XKR9: variants seen among roughly 807,000 people sequenced by gnomAD.
XKR9 encodes the protein XK related 9, also known as XK-related protein 9.
In XKR9, 32 loss-of-function variants were observed where a neutral mutation model predicts 32.0. The ratio of observed to expected loss-of-function variants is 1.00; its 90% CI spans 0.76 to 1.34. XKR9 has a LOEUF of 1.34. Ranked by LOEUF, XKR9 falls within the 40% of genes most tolerant of loss-of-function variation. The pLI is 0.00. For missense variants in XKR9, 546 were observed against 429.7 expected (o/e 1.27, Z -2.39); for synonymous variants, 168 against 143.4 (o/e 1.17, Z -1.22).
At chr8:70,852,483 G>T in the XKR9 span, among the ~76,000 whole-genome samples, 12 of 151,720 alleles carry the variant, frequency 7.9e-5, no homozygotes, top group African/African-American at 2.9e-4. Context: ...ACTATATAAA[G>T]GATTATAAAG....
intron 2 of XKR9, among the ~76,000 whole-genome samples, chr8:70,676,193 G>A (rs779272825): frequency 2.6e-5 from 4 of 152,070 alleles, no homozygotes; most frequent in Admixed American, 1.3e-4. Flanking sequence ...AGAGTAGTGG[G>A]GGAGATGCAA....
intron 4 of XKR9, among the ~76,000 whole-genome samples, chr8:70,714,031 G>A (rs1204268778): frequency 6.6e-6 from 1 of 152,088 alleles, no homozygotes; most frequent in African/African-American, 2.4e-5. Context: ...TTTCCTTGCT[G>A]CATGCTTATG....
At chr8:70,754,040 T>G (rs1008534342) in intron 2 of XKR9, among the ~76,000 whole-genome samples, 2 of 146,630 alleles carry the variant, frequency 1.4e-5, no homozygotes, top group Non-Finnish European at 3.0e-5. Context: ...CAAAATCTCC[T>G]TAAGCTGATA....
At position 70,723,797 on chromosome 8, in the gene XKR9, G is replaced by A. The variant is rs142360571; in HGVS notation, c.494-9999G>A. The stretch of plus-strand genomic sequence containing the variant: ...CCAGTCAGGAGGCACAGGAGTCAGG[G>A]ACCCACTTGAGGAGGCAGTCTGTCC... On this transcript the variant is annotated intron_variant, in intron 4 of 4. Coordinates refer to ENST00000408926, the MANE Select transcript of XKR9 (RefSeq NM_001011720.2). Among the ~76,000 whole-genome samples the A allele has an allele frequency of 1.8e-3, 276 of 152,136 alleles. 3 individuals carry two copies. Among genetic ancestry groups the A allele is most frequent in the Admixed American group, 0.014 (221 of 15,288 alleles).
chr8:71,004,773 T>C, the XKR9 span, among the ~76,000 whole-genome samples: 1 of 152,170 alleles, frequency 6.6e-6, no homozygotes, highest in Admixed American at 6.5e-5. Flanking sequence ...GGTAAATACT[T>C]ACTGGGTGGG....
chr8:70,934,900 A>G, the XKR9 span, among the ~76,000 whole-genome samples: 2 of 151,774 alleles, frequency 1.3e-5, no homozygotes, highest in Non-Finnish European at 2.9e-5. Context: ...ATATTTACTT[A>G]GATATAGGTT....
the XKR9 span, among the ~76,000 whole-genome samples, chr8:70,934,970 A>ATTTAGGG: frequency 1.3e-5 from 2 of 151,532 alleles, no homozygotes; most frequent in South Asian, 2.1e-4. Context: ...AAAATATAAA[A>ATTTAGGG]ATCACTCTCA....
intron 1 of XKR9, among the ~76,000 whole-genome samples, chr8:70,671,669 T>C (rs1200666559): frequency 1.3e-5 from 1 of 79,066 alleles, no homozygotes; most frequent in Non-Finnish European, 3.3e-5. Flanking sequence ...GAACTCATCA[T>C]TTTTTATGGC....
intron 2 of XKR9, among the ~76,000 whole-genome samples, chr8:70,774,954 T>C (rs1807499565): frequency 6.6e-6 from 1 of 152,188 alleles, no homozygotes; most frequent in African/African-American, 2.4e-5. Context: ...GTATTGAATC[T>C]TTGGATCAAT....
the XKR9 span, among the ~76,000 whole-genome samples, chr8:70,834,069 A>C: frequency 1.3e-5 from 2 of 152,058 alleles, no homozygotes; most frequent in Non-Finnish European, 2.9e-5. Flanking sequence ...CTTTGTGTAG[A>C]TCTCCCAAAC....
the XKR9 span, among the ~76,000 whole-genome samples, chr8:70,949,100 C>T: frequency 4.6e-5 from 7 of 152,044 alleles, no homozygotes; most frequent in East Asian, 1.9e-4. Flanking sequence ...GTCTCCTTCA[C>T]ATTTAAGTAA....
chr8:70,747,141 TCTTTATTCAG>T (rs1374901606), intron 2 of XKR9, among the ~76,000 whole-genome samples: 3 of 152,212 alleles, frequency 2.0e-5, no homozygotes, highest in Non-Finnish European at 2.9e-5. Flanking sequence ...TACCACATTT[TCTTTATTCAG>T]TCCACCATTG....
At chr8:70,789,279 C>T (rs942561968) in intron 2 of XKR9, 7 of 151,746 alleles carry the variant, frequency 4.6e-5, no homozygotes, top group South Asian at 2.1e-4. Context: ...TAGGAGACCA[C>T]GAAGAATATG....
At chr8:70,951,875 G>T in the XKR9 span, among the ~76,000 whole-genome samples, 1 of 92,174 alleles carries the variant, frequency 1.1e-5, no homozygotes, top group African/African-American at 4.4e-5. Context: ...ATTGGGGGGG[G>T]GGTGGTTCTC....
chr8:71,012,361 A>G, the XKR9 span, among the ~76,000 whole-genome samples: 1 of 152,204 alleles, frequency 6.6e-6, no homozygotes, highest in South Asian at 2.1e-4. Flanking sequence ...ACCTGCTACT[A>G]CAGGTTCCCA....
chr8:70,831,946 C>T, the XKR9 span, among the ~76,000 whole-genome samples: 1 of 152,126 alleles, frequency 6.6e-6, no homozygotes, highest in Admixed American at 6.5e-5. Flanking sequence ...ATCCTGGAAG[C>T]AGTTTTTCTT....
At chr8:70,905,926 G>A in the XKR9 span, among the ~76,000 whole-genome samples, 52 of 152,308 alleles carry the variant, frequency 3.4e-4, no homozygotes, top group East Asian at 7.7e-4. Flanking sequence ...TATCACCAGC[G>A]GAGGCTGCAG....
intron 2 of XKR9, chr8:70,789,319 C>T (rs1207523954): frequency 6.6e-6 from 1 of 151,938 alleles, no homozygotes; most frequent in Non-Finnish European, 1.5e-5. Flanking sequence ...TGTGGTTTAC[C>T]TAAATCTTCA....
At chr8:70,942,880 C>T in the XKR9 span, among the ~76,000 whole-genome samples, 1 of 152,048 alleles carries the variant, frequency 6.6e-6, no homozygotes, top group South Asian at 2.1e-4. Context: ...TAAGTCTTAC[C>T]TACTTTTTCT....
Sources: allele counts gnomAD v4.1 joint callset (sites outside exome capture counted in the v4.1 genomes callset), GRCh38; gene constraint gnomAD v4.1.1; transcripts MANE v1.5; gene names NCBI Gene and HGNC (gene_info 2026-07-23, HGNC 2026-07-21).